Variants in HMCN1 observed in about 807,000 individuals in gnomAD.
HMCN1 encodes the protein hemicentin 1, also known as hemicentin-1.
Under a neutral mutation model 625.9 loss-of-function variants are expected in HMCN1, and 321 were observed. The ratio of observed to expected loss-of-function variants is 0.51; its 90% CI spans 0.47 to 0.56. HMCN1 has a LOEUF of 0.56. Ranked by LOEUF, HMCN1 falls within the 20% of genes least tolerant of loss-of-function variation. The pLI is 0.00. For missense variants in HMCN1, 6,588 were observed against 6,887.3 expected (o/e 0.96, Z 1.54); for synonymous variants, 2,425 against 2,417.6 (o/e 1.00, Z -0.09).
intron 68 of HMCN1, among the ~76,000 whole-genome samples, chr1:186,096,297 A>G (rs1558220332): frequency 6.6e-6 from 1 of 152,152 alleles, no homozygotes; most frequent in Non-Finnish European, 1.5e-5. Context: ...TTATTCATGT[A>G]ACCCTAAAAT....
chr1:185,889,861 AT>A (rs1664935924), intron 4 of HMCN1, among the ~76,000 whole-genome samples: 1 of 145,468 alleles, frequency 6.9e-6, no homozygotes, highest in South Asian at 2.1e-4. Context: ...TTTTCTATTG[AT>A]TGGAATAGTT....
At chr1:185,995,660 A>G (rs983491469) in intron 24 of HMCN1, among the ~76,000 whole-genome samples, 8 of 152,134 alleles carry the variant, frequency 5.3e-5, no homozygotes, top group African/African-American at 1.9e-4. Context: ...AAACAAATAA[A>G]CAAGAAATAC....
At chr1:185,936,979 A>G (rs1276212755) in intron 11 of HMCN1, among the ~76,000 whole-genome samples, 1 of 152,236 alleles carries the variant, frequency 6.6e-6, no homozygotes, top group Non-Finnish European at 1.5e-5. Flanking sequence ...ACCTCATTTG[A>G]AGATGAATAA....
At chr1:186,067,600 C>T (rs1179741974) in intron 49 of HMCN1, among the ~76,000 whole-genome samples, 1 of 152,094 alleles carries the variant, frequency 6.6e-6, no homozygotes, top group African/African-American at 2.4e-5. Context: ...ATTGCCCTTA[C>T]TACATTGTGG....
At chr1:186,025,273 T>A (rs1184541180) in intron 36 of HMCN1, among the ~76,000 whole-genome samples, 1 of 152,146 alleles carries the variant, frequency 6.6e-6, no homozygotes, top group Non-Finnish European at 1.5e-5. Flanking sequence ...TAACCAGCCA[T>A]CAACTGGTAT....
At position 185,962,627 on chromosome 1, in the gene HMCN1, C is replaced by G. The variant is rs761384759; in HGVS notation, c.1938C>G (p.Thr646=). The G allele has an allele frequency of 6.3e-7, 1 of 1,588,354 alleles. No homozygotes were observed. The highest frequency in any genetic ancestry group is 1.3e-5 in the African/African-American group (1 of 74,482). The change falls in exon 12 of 107, where the codon ACC becomes ACG. Residue 646 remains threonine, a synonymous_variant. Transcript: ENST00000271588. The part of the protein sequence containing the change: ...TGYPKPKIAW[T]VNDMFIVGSH... ...ATCCCAAACCAAAGATTGCCTGGAC[C>G]GTTAACGATATGTTTATCGTGGGTT... is the stretch of plus-strand genomic sequence containing the variant.
intron 4 of HMCN1, among the ~76,000 whole-genome samples, chr1:185,883,879 ATTTTTT>A (rs1205211897): frequency 1.7e-3 from 94 of 55,950 alleles, no homozygotes; most frequent in African/African-American, 5.4e-3. Flanking sequence ...ATAGGTCATG[ATTTTTT>A]TTTTTTTTTT....
At chr1:186,073,374 G>A (rs1169063829) in intron 52 of HMCN1, among the ~76,000 whole-genome samples, 3 of 152,134 alleles carry the variant, frequency 2.0e-5, no homozygotes, top group Non-Finnish European at 4.4e-5. Flanking sequence ...GGAAAAAACT[G>A]AAGGAAAGTA....
chr1:185,912,233 G>A (rs1283274014), intron 6 of HMCN1, among the ~76,000 whole-genome samples: 2 of 152,140 alleles, frequency 1.3e-5, no homozygotes, highest in African/African-American at 4.8e-5. Context: ...GGAGATGATA[G>A]TCACTGTCCT....
intron 11 of HMCN1, among the ~76,000 whole-genome samples, chr1:185,961,473 T>C (rs1313964195): frequency 6.6e-6 from 1 of 152,220 alleles, no homozygotes; most frequent in Non-Finnish European, 1.5e-5. Context: ...AAAGCAGATG[T>C]CATTGAATGA....
chr1:186,006,992 T>G, intron 29 of HMCN1, 136 bp from the exon 30 acceptor site: 1 of 696,794 alleles, frequency 1.4e-6, no homozygotes, highest in African/African-American at 1.8e-5. Context: ...ATTCTTGGAG[T>G]GCTAATCATA....
intron 1 of HMCN1, among the ~76,000 whole-genome samples, chr1:185,844,514 A>T (rs773758005): frequency 2.6e-5 from 4 of 152,112 alleles, no homozygotes; most frequent in Non-Finnish European, 4.4e-5. Flanking sequence ...TGGCTAATTA[A>T]TTATTATTCT....
chr1:186,109,532 A>T (rs767304967), intron 71 of HMCN1, among the ~76,000 whole-genome samples: 5 of 152,204 alleles, frequency 3.3e-5, no homozygotes, highest in Non-Finnish European at 5.9e-5. Flanking sequence ...AAGATTATAG[A>T]ATGAACGCCA....
intron 15 of HMCN1, among the ~76,000 whole-genome samples, chr1:185,975,018 T>C (rs1651098036): frequency 6.6e-6 from 1 of 152,156 alleles, no homozygotes; most frequent in Non-Finnish European, 1.5e-5. Flanking sequence ...TTCCAAGCAG[T>C]TGGTTGATTC....
intron 93 of HMCN1, among the ~76,000 whole-genome samples, chr1:186,149,546 T>TA (rs925531724): frequency 4.6e-5 from 7 of 152,194 alleles, no homozygotes; most frequent in Non-Finnish European, 1.0e-4. Flanking sequence ...TTTCTCCATA[T>TA]AAAAAATAAG....
At chr1:185,777,366 T>C (rs1364976090) in intron 1 of HMCN1, among the ~76,000 whole-genome samples, 3 of 152,194 alleles carry the variant, frequency 2.0e-5, no homozygotes, top group Non-Finnish European at 2.9e-5. Flanking sequence ...CAAAGCAATC[T>C]CCAATTTCAA....
chr1:185,746,920 T>G (rs985485651), intron 1 of HMCN1, among the ~76,000 whole-genome samples: 29 of 152,112 alleles, frequency 1.9e-4, no homozygotes, highest in African/African-American at 6.0e-4. Context: ...TTTTCCTTTT[T>G]CGTGAGGACA....
rs770611415 is a variant in HMCN1, at chr1:185,785,298, C to G, written c.268+50251C>G. Among the ~76,000 whole-genome samples the G allele has an allele frequency of 3.7e-4, 57 of 152,314 alleles. 1 individual carries two copies. Among genetic ancestry groups the G allele is most frequent in the Middle Eastern group, 6.8e-3 (2 of 294 alleles). The stretch of plus-strand genomic sequence containing the variant: ...CCATTCACCTCTCTTCCTGACTTCT[C>G]TGGTGTATGTAGGAGTAGGATGTGT... On this transcript the variant is annotated intron_variant, in intron 1 of 106. Transcript: ENST00000271588.
intron 4 of HMCN1, among the ~76,000 whole-genome samples, chr1:185,872,499 T>C (rs1227806807): frequency 6.6e-6 from 1 of 152,142 alleles, no homozygotes; most frequent in African/African-American, 2.4e-5. Context: ...ACAATTCTCA[T>C]AATGACATTT....
Sources: gnomAD v4.1 joint callset for allele counts (sites outside exome capture counted in the v4.1 genomes callset) on GRCh38, gnomAD v4.1.1 for gene constraint, MANE v1.5 for transcripts, NCBI Gene and HGNC (gene_info 2026-07-23, HGNC 2026-07-21) for gene names.